The following SLC7A11 variants were observed in gnomAD, a reference collection of about 807,000 sequenced individuals.
The protein encoded by SLC7A11 is cystine/glutamate transporter.
Under a neutral mutation model 54.5 loss-of-function variants are expected in SLC7A11, and 35 were observed. That is an observed-to-expected ratio of 0.64 (90% confidence interval 0.49 to 0.85). The LOEUF (loss-of-function observed/expected upper bound fraction) is 0.85. SLC7A11 is among the 40% of genes least tolerant of loss of function. The pLI is 0.00. For missense variants in SLC7A11, 583 were observed against 618.1 expected, an observed-to-expected ratio of 0.94 and a Z score of 0.60; for synonymous variants, 230 against 225.2, an observed-to-expected ratio of 1.02 and a Z score of -0.19.
At position 138,168,429 on chromosome 4, in the gene SLC7A11, C is replaced by T. The variant is rs761833579; in HGVS notation, c.*3527G>A. 1.3e-5 allele frequency: 2 copies of T among 152,156 alleles called. No homozygotes were observed. Among genetic ancestry groups the T allele is most frequent in the Non-Finnish European group, 2.9e-5 (2 of 68,020 alleles). 9.4% of individuals were successfully genotyped at this position (152,156 alleles called of 1,614,324 possible). A position where few individuals can be genotyped will look rare whatever the true frequency, so the allele number is the denominator to read the frequency against. ...TTATACCTCAATTACAAAAGATCAA[C>T]TTTAACAAAGGTCAGAGTTGCTCCC... On this transcript the variant is annotated 3_prime_UTR_variant, in exon 12 of 12. Transcript: ENST00000280612.
intron 4 of SLC7A11, among the ~76,000 whole-genome samples, chr4:138,221,934 A>G (rs1237635622): frequency 1.3e-5 from 2 of 152,238 alleles, no homozygotes; most frequent in African/African-American, 4.8e-5. Flanking sequence ...CTTACAGAAG[A>G]CTGAAGAGTT....
chr4:138,203,517 T>C (rs1295739262), intron 6 of SLC7A11, among the ~76,000 whole-genome samples: 2 of 152,078 alleles, frequency 1.3e-5, no homozygotes, highest in Non-Finnish European at 2.9e-5. Flanking sequence ...CCTTTTCCTC[T>C]AAGCAGTTTA....
intron 8 of SLC7A11, among the ~76,000 whole-genome samples, chr4:138,182,958 T>C (rs1041774940): frequency 6.6e-6 from 1 of 152,076 alleles, no homozygotes; most frequent in Non-Finnish European, 1.5e-5. Flanking sequence ...TGTTAGACTG[T>C]GGAAATACTA....
At position 138,235,368 on chromosome 4, in the gene SLC7A11, T is replaced by C. The variant is rs564284623; in HGVS notation, c.404+957A>G. On this transcript the variant is annotated intron_variant, in intron 2 of 11. Coordinates refer to ENST00000280612, the MANE Select transcript of SLC7A11 (RefSeq NM_014331.4). ...GCAGAGTGTTTAAAATGAAAAAGCC[T>C]TCATGAAGCATATACTACTTTGAAG... Among the ~76,000 whole-genome samples, 4 of 151,982 alleles carry C rather than the reference T, an allele frequency of 2.6e-5. No individual in the cohort carries two copies. The South Asian group carries it at 8.3e-4, about 32-fold the overall frequency.
chr4:138,206,807 A>C (rs1351993190), intron 6 of SLC7A11, among the ~76,000 whole-genome samples: 1 of 151,976 alleles, frequency 6.6e-6, no homozygotes, highest in East Asian at 1.9e-4. Flanking sequence ...TTTTAGAGTG[A>C]ACAAAAGCAA....
At chr4:138,222,475 C>T (rs1221547871) in intron 4 of SLC7A11, among the ~76,000 whole-genome samples, 1 of 152,126 alleles carries the variant, frequency 6.6e-6, no homozygotes, top group African/African-American at 2.4e-5. Context: ...TAATTAAATA[C>T]CACATGTGAA....
At chr4:138,225,571 T>C (rs1408207201) in intron 3 of SLC7A11, among the ~76,000 whole-genome samples, 2 of 152,114 alleles carry the variant, frequency 1.3e-5, no homozygotes, top group Non-Finnish European at 2.9e-5. Flanking sequence ...TATAAGGCAC[T>C]TATATATGGA....
At position 138,171,992 on chromosome 4, in the gene SLC7A11, T is replaced by G. The variant is rs1452245045; in HGVS notation, c.1470A>C (p.Ile490=). The G allele has an allele frequency of 1.3e-6, 2 of 1,598,954 alleles. No homozygotes were observed. Among genetic ancestry groups the G allele is most frequent in the South Asian group, 2.3e-5 (2 of 87,062 alleles). The change falls in exon 12 of 12, where the codon ATA becomes ATC. Residue 490 remains isoleucine (I), a synonymous_variant. Coordinates refer to ENST00000280612, the MANE Select transcript of SLC7A11 (RefSeq NM_014331.4). The part of the protein sequence containing the change: ...MSEKITRTLQ[I]ILEVVPEEDK... Reference sequence around the variant, plus strand: ...CTTCTTCTGGTACAACTTCCAGTATTATTTGTAATGTTCTGGTTATTTTCT... The same window carrying G: ...CTTCTTCTGGTACAACTTCCAGTATGATTTGTAATGTTCTGGTTATTTTCT...
chr4:138,241,781 A>T lies in SLC7A11; in HGVS notation c.277+12T>A. ...ACAGCCACGCCCCCACGAGAGAAAA[A>T]GTCGCACTCACCAAATAGTGACAGG... On this transcript the variant is annotated intron_variant, in intron 1 of 11. Transcript: ENST00000280612. The T allele has an allele frequency of 1.9e-6, 3 of 1,598,768 alleles. No homozygotes were observed. The highest frequency in any genetic ancestry group is 2.6e-6 in the Non-Finnish European group (3 of 1,166,664).
chr4:138,214,639 G>C lies in SLC7A11; in HGVS notation c.747-10C>G. The C allele has an allele frequency of 8.7e-7, 1 of 1,150,800 alleles. No individual in the cohort carries two copies. Among genetic ancestry groups the C allele is most frequent in the Non-Finnish European group, 1.2e-6 (1 of 817,748 alleles). 71.3% of individuals were successfully genotyped at this position (1,150,800 alleles called of 1,614,324 possible). A position where few individuals can be genotyped will look rare whatever the true frequency, so the allele number is the denominator to read the frequency against. Reference sequence around the variant, plus strand: ...AAAGTTGAGGTAAAACCTAAAAATAGATAAATAAATTATAAACTATTAATA... The same window carrying C: ...AAAGTTGAGGTAAAACCTAAAAATACATAAATAAATTATAAACTATTAATA... On this transcript the variant is annotated splice_polypyrimidine_tract_variant and intron_variant, in intron 5 of 11. Coordinates refer to ENST00000280612, the MANE Select transcript of SLC7A11 (RefSeq NM_014331.4).
In SLC7A11 at chr4:138,171,297, T is replaced by C. The variant is rs1012944077; in HGVS notation, c.*659A>G. The C allele has an allele frequency of 3.3e-5, 5 of 152,138 alleles. No homozygotes were observed. Among genetic ancestry groups the C allele is most frequent in the African/African-American group, 1.2e-4 (5 of 41,434 alleles). The allele number at this position is 152,138 out of a possible 1,614,324, so 9.4% of individuals were successfully genotyped here. ...ATCTGACATAATAAATTCTCAAGGA[T>C]TTTTACTTAAACATAACTCCTGGAT... On this transcript the variant is annotated 3_prime_UTR_variant, in exon 12 of 12. Coordinates refer to ENST00000280612, the MANE Select transcript of SLC7A11 (RefSeq NM_014331.4).
intron 6 of SLC7A11, among the ~76,000 whole-genome samples, chr4:138,206,791 C>T (rs776677060): frequency 2.6e-5 from 4 of 151,732 alleles, no homozygotes; most frequent in South Asian, 2.1e-4. Context: ...TCTATTAGTG[C>T]GAAATTTTTA....
At chr4:138,240,133 G>A (rs947787283) in intron 1 of SLC7A11, among the ~76,000 whole-genome samples, 1 of 152,038 alleles carries the variant, frequency 6.6e-6, no homozygotes, top group African/African-American at 2.4e-5. Flanking sequence ...ATACACAATT[G>A]TTACTGAATA....
intron 6 of SLC7A11, among the ~76,000 whole-genome samples, chr4:138,207,035 G>A (rs898548737): frequency 3.5e-5 from 5 of 140,980 alleles, no homozygotes; most frequent in African/African-American, 5.1e-5. Flanking sequence ...TTCTAATTTA[G>A]GTATCAATTA....
At position 138,183,693 on chromosome 4, in the gene SLC7A11, A is replaced by C. The variant is rs79232788; in HGVS notation, c.916-388T>G. 4.3e-3 allele frequency among the ~76,000 whole-genome samples: 658 copies of C among 152,288 alleles called. 3 individuals carry two copies. Among genetic ancestry groups the C allele is most frequent in the African/African-American group, 0.015 (632 of 41,570 alleles). Reference sequence around the variant, plus strand: ...TACGTTCTCTTTAGCCTGGAAAACCAAATTTTATATTGAAATACACTGAGA... The same window carrying C: ...TACGTTCTCTTTAGCCTGGAAAACCCAATTTTATATTGAAATACACTGAGA... On this transcript the variant is annotated intron_variant, in intron 7 of 11. Transcript: ENST00000280612.
At chr4:138,203,561 T>A (rs1474784472) in intron 6 of SLC7A11, among the ~76,000 whole-genome samples, 1 of 152,070 alleles carries the variant, frequency 6.6e-6, no homozygotes, top group Non-Finnish European at 1.5e-5. Context: ...GTGTGGAGAT[T>A]ATGGTGCTGT....
intron 6 of SLC7A11, among the ~76,000 whole-genome samples, chr4:138,186,549 A>G (rs966068609): frequency 2.6e-5 from 4 of 152,106 alleles, no homozygotes; most frequent in African/African-American, 9.7e-5. Flanking sequence ...GAGGAAACAC[A>G]TTGACCTCTA....
rs770365615 is a variant in SLC7A11, at chr4:138,241,893, T to C, written c.177A>G (p.Gly59=). The change falls in exon 1 of 12, where the codon GGA becomes GGG. Residue 59 remains glycine, a synonymous_variant. Transcript: ENST00000280612. ...GVSIIIGTII[G]AGIFISPKGV... is the part of the protein sequence containing the mutation. Reference sequence around the variant, plus strand: ...CCTTAGGAGAGATGAAGATTCCTGCTCCAATGATGGTGCCAATGATAATGG... The same window carrying C: ...CCTTAGGAGAGATGAAGATTCCTGCCCCAATGATGGTGCCAATGATAATGG... 6.2e-7 allele frequency: 1 copy of C among 1,614,036 alleles called. No homozygotes were observed.
chr4:138,216,004 T>G (rs550794954), intron 5 of SLC7A11, among the ~76,000 whole-genome samples: 1 of 152,250 alleles, frequency 6.6e-6, no homozygotes, highest in Non-Finnish European at 1.5e-5. Flanking sequence ...AGCAGGATGG[T>G]GAGTAGGAAG....
Sources: allele counts gnomAD v4.1 joint callset (sites outside exome capture counted in the v4.1 genomes callset), GRCh38; gene constraint gnomAD v4.1.1; transcripts MANE v1.5; gene names NCBI Gene and HGNC (gene_info 2026-07-23, HGNC 2026-07-21).